Variants in TACC2 observed in about 807,000 individuals in gnomAD.
The protein encoded by TACC2 is transforming acidic coiled-coil-containing protein 2.
Under a neutral mutation model 227.3 loss-of-function variants are expected in TACC2, and 137 were observed. The ratio of observed to expected loss-of-function variants is 0.60; its 90% CI spans 0.52 to 0.69. TACC2 has a LOEUF of 0.69. TACC2 is among the 30% of genes least tolerant of loss of function. The pLI is 0.00. For missense variants in TACC2, 3,470 were observed against 3,694.4 expected, an observed-to-expected ratio of 0.94 and a Z score of 1.57; for synonymous variants, 1,523 against 1,487.5, an observed-to-expected ratio of 1.02 and a Z score of -0.55.
chr10:122,153,688 G>T (rs1052549297), intron 7 of TACC2, among the ~76,000 whole-genome samples: 1 of 152,188 alleles, frequency 6.6e-6, no homozygotes, highest in Non-Finnish European at 1.5e-5. Context: ...AGTGCCTCGG[G>T]CTTTTTCACA....
intron 5 of TACC2, among the ~76,000 whole-genome samples, chr10:122,120,323 T>C (rs2085489107): frequency 6.6e-6 from 1 of 151,926 alleles, no homozygotes; most frequent in African/African-American, 2.4e-5. Context: ...AGACCCTGGG[T>C]TTCAGATCAG....
chr10:122,152,651 T>TGGCAC (rs752817728), intron 7 of TACC2, among the ~76,000 whole-genome samples: 2 of 152,208 alleles, frequency 1.3e-5, no homozygotes, highest in Non-Finnish European at 2.9e-5. Flanking sequence ...GTCCCGAGGT[T>TGGCAC]GGCACGTGGT....
At position 122,086,962 on chromosome 10, in the gene TACC2, G is replaced by A. The variant is rs760195137; in HGVS notation, c.4462G>A (p.Ala1488Thr). The A allele has an allele frequency of 3.7e-6, 6 of 1,613,956 alleles. No individual in the cohort carries two copies. The highest frequency in any genetic ancestry group is 3.4e-6 in the Non-Finnish European group (4 of 1,180,034). Reference sequence around the variant, plus strand: ...TGGAGAGGCTGAGATTTCCCATCTGGCTCTGCAAGATCCAGCTTCAGACAA... The same window carrying A: ...TGGAGAGGCTGAGATTTCCCATCTGACTCTGCAAGATCCAGCTTCAGACAA... ...LAGEAEISHL[A>T]LQDPASDKLL... is the part of the protein sequence containing the mutation. Residue 1488 changes from alanine to threonine, a missense_variant, in exon 4 of 23, where the codon GCT becomes ACT. Ala to Thr is a moderately conservative substitution (Grantham distance 58). This residue lies in a region of TACC2 where 1,924 missense variants were observed against 1,978.3 expected (regional missense o/e 0.97). Transcript: ENST00000369005.
chr10:122,203,278 C>G (rs1317853020), intron 8 of TACC2, among the ~76,000 whole-genome samples: 2 of 141,372 alleles, frequency 1.4e-5, no homozygotes, highest in Non-Finnish European at 3.0e-5. Flanking sequence ...GGCGGCTGGC[C>G]GGGCAGAGGG....
At chr10:122,109,068 T>C (rs10749440) in intron 5 of TACC2, among the ~76,000 whole-genome samples, 126,452 of 152,184 alleles carry the variant, frequency 0.83, 53,660 homozygotes, top group East Asian at 0.98. Context: ...TTGATGGGCA[T>C]TTGAGCTGGT....
chr10:122,179,504 C>T (rs2093884692), intron 7 of TACC2, among the ~76,000 whole-genome samples: 2 of 152,194 alleles, frequency 1.3e-5, no homozygotes, highest in Admixed American at 1.3e-4. Flanking sequence ...TCAGATCTTT[C>T]CTTGATGCCC....
Position 121,993,221 on chromosome 10 carries a change from A to G in TACC2, c.-46+3733A>G, listed in dbSNP as rs1037494513. Among the ~76,000 whole-genome samples the G allele has an allele frequency of 3.3e-5, 5 of 152,338 alleles. 1 individual carries two copies. In the South Asian group the frequency reaches 1.0e-3, roughly 32 times the overall value. The stretch of plus-strand genomic sequence containing the variant: ...GTATTACAGCATTTTAGTTATTATA[A>G]AACTCAGTCTTCTTAAGGAAGACAA... On this transcript the variant is annotated intron_variant, in intron 1 of 22. Transcript: ENST00000369005.
At chr10:122,164,283 G>A (rs2093013769) in intron 7 of TACC2, among the ~76,000 whole-genome samples, 1 of 152,210 alleles carries the variant, frequency 6.6e-6, no homozygotes. Flanking sequence ...CTGCACCCCC[G>A]GCACAGTGGT....
chr10:122,104,125 A>T (rs1157096679), intron 5 of TACC2, among the ~76,000 whole-genome samples: 1 of 152,198 alleles, frequency 6.6e-6, no homozygotes, highest in Non-Finnish European at 1.5e-5. Flanking sequence ...TAAATACTTG[A>T]TGAATGACTT....
chr10:122,058,750 A>T (rs1308456800), intron 3 of TACC2, among the ~76,000 whole-genome samples: 2 of 152,062 alleles, frequency 1.3e-5, no homozygotes, highest in Non-Finnish European at 1.5e-5. Flanking sequence ...CCCCAAATTT[A>T]TGAACCTCAT....
chr10:122,005,206 C>T lies in TACC2; in HGVS notation c.-46+15718C>T, dbSNP rs539960647. On this transcript the variant is annotated intron_variant, in intron 1 of 22. Coordinates refer to ENST00000369005, the MANE Select transcript of TACC2 (RefSeq NM_206862.4). ...AAGTGATTCTCCTGCCTCAGCCTCC[C>T]GAGTAAGTGGGATTACAGGCATCCA... Among the ~76,000 whole-genome samples, 13 of 151,526 alleles carry T rather than the reference C, an allele frequency of 8.6e-5. No individual in the cohort carries two copies. In the South Asian group the frequency reaches 1.0e-3, roughly 12 times the overall value.
At chr10:122,163,058 T>TCC (rs1360942536) in intron 7 of TACC2, among the ~76,000 whole-genome samples, 5 of 151,756 alleles carry the variant, frequency 3.3e-5, no homozygotes, top group Admixed American at 3.3e-4. Context: ...GGTGCAAAGG[T>TCC]CCTTGGAGGC....
At position 122,195,046 on chromosome 10, in the gene TACC2, C is replaced by A. The variant is rs756957694; in HGVS notation, c.5841C>A (p.Ser1947=). The A allele has an allele frequency of 6.2e-7, 1 of 1,611,442 alleles. No homozygotes were observed. Among genetic ancestry groups the A allele is most frequent in the South Asian group, 1.1e-5 (1 of 90,558 alleles). ...PDPAKDLSRS[S]DSEEAFETPE... is the part of the protein sequence containing the mutation. ...CTTCTCCCTCTCTCATCAGGAGTTC[C>A]GATTCTGAAGAGGCATTTGAGACCC... Residue 1947 remains serine (S), a synonymous_variant, in exon 8 of 23, where the codon TCC becomes TCA. Transcript: ENST00000369005.
intron 1 of TACC2, among the ~76,000 whole-genome samples, chr10:121,999,598 C>A (rs1333037058): frequency 1.3e-5 from 2 of 152,208 alleles, no homozygotes; most frequent in Middle Eastern, 3.2e-3. Flanking sequence ...TGTTGGCGTG[C>A]CTCTCTTTGC....
At chr10:122,025,373 G>T (rs1957853482) in intron 2 of TACC2, among the ~76,000 whole-genome samples, 1 of 147,410 alleles carries the variant, frequency 6.8e-6, no homozygotes, top group African/African-American at 2.5e-5. Flanking sequence ...CAATTCTCCT[G>T]CCTCAGCCTG....
chr10:122,032,978 C>CAAG, intron 2 of TACC2: 1 of 555,892 alleles, frequency 1.8e-6, no homozygotes, highest in Non-Finnish European at 2.9e-6. Flanking sequence ...AACAAAACAA[C>CAAG]AACAACAACA....
intron 5 of TACC2, among the ~76,000 whole-genome samples, chr10:122,092,325 A>G (rs574109416): frequency 5.9e-5 from 9 of 152,272 alleles, no homozygotes; most frequent in Admixed American, 5.2e-4. Flanking sequence ...TAACACTTTG[A>G]GTATCTTTGT....
intron 14 of TACC2, 83 bp from the exon 15 acceptor site, chr10:122,229,263 C>A: frequency 6.5e-7 from 1 of 1,537,720 alleles, no homozygotes; most frequent in Non-Finnish European, 8.9e-7. Flanking sequence ...CAGCAAATGG[C>A]TGCATGGCCC....
chr10:122,247,283 A>G (rs2096145688), intron 19 of TACC2: 1 of 152,158 alleles, frequency 6.6e-6, no homozygotes, highest in Admixed American at 6.5e-5. Flanking sequence ...TTATTTCCAG[A>G]TGTGATCTGT....
Sources: gnomAD v4.1 joint callset for allele counts (sites outside exome capture counted in the v4.1 genomes callset) on GRCh38, gnomAD v4.1.1 for gene constraint, gnomAD v4.1.1 regional missense constraint, MANE v1.5 for transcripts, NCBI Gene and HGNC (gene_info 2026-07-23, HGNC 2026-07-21) for gene names.